CORO2B: variants seen among roughly 807,000 people sequenced by gnomAD.
CORO2B encodes coronin 2B.
Under a neutral mutation model 58.8 loss-of-function variants are expected in CORO2B, and 26 were observed. The observed-to-expected ratio is 0.44, with a 90% confidence interval of 0.32 to 0.61. CORO2B has a LOEUF of 0.61. CORO2B is among the 20% of genes least tolerant of loss of function. The probability of loss-of-function intolerance (pLI) is 0.04; values close to 1 mark genes in which losing one functional copy is unlikely to be tolerated. For missense variants in CORO2B, 460 were observed against 645.1 expected, an observed-to-expected ratio of 0.71 and a Z score of 3.11; for synonymous variants, 242 against 253.8, an observed-to-expected ratio of 0.95 and a Z score of 0.44.
intron 1 of CORO2B, among the ~76,000 whole-genome samples, chr15:68,610,180 C>T (rs1053490044): frequency 6.6e-6 from 1 of 152,214 alleles, no homozygotes; most frequent in Admixed American, 6.5e-5. Flanking sequence ...CTGCAGCCCT[C>T]TGGTTCCAGT....
the CORO2B span, among the ~76,000 whole-genome samples, chr15:68,540,403 A>G: frequency 2.6e-5 from 4 of 152,238 alleles, no homozygotes; most frequent in Non-Finnish European, 5.9e-5. Context: ...GGCAGCAATG[A>G]TTGTCAATTA....
At chr15:68,643,301 G>A (rs1901318311) in intron 1 of CORO2B, among the ~76,000 whole-genome samples, 1 of 151,902 alleles carries the variant, frequency 6.6e-6, no homozygotes, top group Non-Finnish European at 1.5e-5. Flanking sequence ...GGGGAGGGGA[G>A]GGGAGAGGCT....
At chr15:68,530,151 C>T in the CORO2B span, among the ~76,000 whole-genome samples, 235 of 152,174 alleles carry the variant, frequency 1.5e-3, 2 homozygotes, top group African/African-American at 5.5e-3. Context: ...GGTGAAACCC[C>T]GTCTCTACTG....
the CORO2B span, among the ~76,000 whole-genome samples, chr15:68,571,571 A>G: frequency 9.9e-5 from 15 of 152,214 alleles, no homozygotes; most frequent in Non-Finnish European, 7.3e-5. Context: ...TTTTCTCCTC[A>G]TTATTGTAAA....
chr15:68,601,686 G>A (rs1899987526), intron 1 of CORO2B, among the ~76,000 whole-genome samples: 1 of 152,226 alleles, frequency 6.6e-6, no homozygotes, highest in Non-Finnish European at 1.5e-5. Flanking sequence ...GGGAATGGCT[G>A]TGTGTGCGAA....
intron 3 of CORO2B, among the ~76,000 whole-genome samples, chr15:68,709,459 GTT>G (rs57604810): frequency 0.79 from 77,997 of 98,848 alleles, 30,829 homozygotes; most frequent in South Asian, 0.91. Context: ...TTTTTTTCGT[GTT>G]TTTTTTTTTT....
intron 11 of CORO2B, among the ~76,000 whole-genome samples, chr15:68,719,916 C>T (rs947715758): frequency 6.6e-6 from 1 of 152,324 alleles, no homozygotes; most frequent in African/African-American, 2.4e-5. Flanking sequence ...CCCTCGCTGG[C>T]GTTGCAGCAG....
At chr15:68,669,164 GAA>G (rs1555415189) in intron 2 of CORO2B, among the ~76,000 whole-genome samples, 1 of 150,462 alleles carries the variant, frequency 6.6e-6, no homozygotes, top group Non-Finnish European at 1.5e-5. Flanking sequence ...AGAAAAGAAA[GAA>G]AGAAAAGAAA....
intron 1 of CORO2B, among the ~76,000 whole-genome samples, chr15:68,605,310 T>C (rs2140241798): frequency 6.6e-6 from 1 of 152,292 alleles, no homozygotes; most frequent in South Asian, 2.1e-4. Flanking sequence ...GTCCATATCC[T>C]GTGACCTAGT....
the CORO2B span, among the ~76,000 whole-genome samples, chr15:68,570,002 G>C: frequency 3.5e-4 from 54 of 152,326 alleles, no homozygotes; most frequent in African/African-American, 1.3e-3. Flanking sequence ...CCTTGGGAAA[G>C]TTCTCACCTG....
chr15:68,611,187 C>G (rs544475109), intron 1 of CORO2B, among the ~76,000 whole-genome samples: 15 of 152,282 alleles, frequency 9.9e-5, no homozygotes, highest in East Asian at 3.9e-4. Context: ...TGGAGTAACA[C>G]GCTCCATGAT....
intron 3 of CORO2B, among the ~76,000 whole-genome samples, chr15:68,704,039 TACACACACAC>T (rs10566834): frequency 1.0e-3 from 132 of 128,152 alleles, no homozygotes; most frequent in South Asian, 6.0e-3. Flanking sequence ...TACACACACA[TACACACACAC>T]ACACACACAC....
intron 3 of CORO2B, among the ~76,000 whole-genome samples, chr15:68,699,122 T>C (rs933596984): frequency 1.3e-5 from 2 of 152,010 alleles, no homozygotes; most frequent in African/African-American, 4.8e-5. Context: ...TACAGTGCGC[T>C]TAGAAAAGGG....
chr15:68,674,270 C>G (rs982183033), intron 2 of CORO2B, among the ~76,000 whole-genome samples: 8 of 152,172 alleles, frequency 5.3e-5, no homozygotes, highest in Non-Finnish European at 2.9e-5. Context: ...AAGAAGCAAC[C>G]CTTTGGGGTC....
chr15:68,557,809 A>T, the CORO2B span, among the ~76,000 whole-genome samples: 474 of 152,356 alleles, frequency 3.1e-3, no homozygotes, highest in Non-Finnish European at 4.3e-3. Flanking sequence ...CTGGGACTCC[A>T]CAGCCTTAGT....
chr15:68,560,857 C>A, the CORO2B span, among the ~76,000 whole-genome samples: 1 of 152,170 alleles, frequency 6.6e-6, no homozygotes, highest in Non-Finnish European at 1.5e-5. Flanking sequence ...CCGAGGGGAC[C>A]AGAGGAAGCA....
At chr15:68,545,807 C>A in the CORO2B span, among the ~76,000 whole-genome samples, 3 of 152,162 alleles carry the variant, frequency 2.0e-5, no homozygotes, top group African/African-American at 7.2e-5. Flanking sequence ...CCGGGGATGG[C>A]AGGAGCTGCC....
At chr15:68,551,230 A>G in the CORO2B span, among the ~76,000 whole-genome samples, 1 of 151,682 alleles carries the variant, frequency 6.6e-6, no homozygotes, top group African/African-American at 2.4e-5. Flanking sequence ...CAGGGCACGG[A>G]GCCAGGATGC....
At chr15:68,540,955 C>T in the CORO2B span, among the ~76,000 whole-genome samples, 1 of 152,150 alleles carries the variant, frequency 6.6e-6, no homozygotes, top group Non-Finnish European at 1.5e-5. Context: ...TCTGCAAGGG[C>T]ACAGTGACTC....
Sources: allele counts gnomAD v4.1 joint callset (sites outside exome capture counted in the v4.1 genomes callset), GRCh38; gene constraint gnomAD v4.1.1; transcripts MANE v1.5; gene names NCBI Gene and HGNC (gene_info 2026-07-23, HGNC 2026-07-21).